Variants in LRP2BP observed in about 807,000 individuals in gnomAD.
LRP2BP encodes LRP2 binding protein, also known as LRP2-binding protein.
Under a neutral mutation model 45.2 loss-of-function variants are expected in LRP2BP, and 38 were observed. The observed-to-expected ratio is 0.84, with a 90% confidence interval of 0.65 to 1.10. The LOEUF (loss-of-function observed/expected upper bound fraction) is 1.10. Among genes scored for constraint, LRP2BP ranks in the 50% least tolerant of loss-of-function variants. The pLI is 0.00. For synonymous variants in LRP2BP, 153 were observed against 153.9 expected, an observed-to-expected ratio of 0.99 and a Z score of 0.04; for missense variants, 385 against 418.9, an observed-to-expected ratio of 0.92 and a Z score of 0.71.
chr4:185,390,709 G>A (rs2095486105), intron 1 of LRP2BP: 1 of 152,120 alleles, frequency 6.6e-6, no homozygotes, highest in Admixed American at 6.5e-5. Context: ...CGTCTTACGA[G>A]GAAATGAAGC....
intron 8 of LRP2BP, among the ~76,000 whole-genome samples, chr4:185,368,020 A>T (rs569525617): frequency 1.6e-4 from 25 of 152,224 alleles, no homozygotes; most frequent in Admixed American, 6.5e-4. Context: ...TCTACTAAAA[A>T]TACAAAAATT....
At chr4:185,396,006 C>A, upstream of LRP2BP, 1 of 703,332 alleles carries the variant, frequency 1.4e-6, no homozygotes, top group Non-Finnish European at 1.7e-6. Flanking sequence ...CCCGACAGCA[C>A]CCGCGGGGCC....
chr4:185,386,357 T>TGC (rs1225642102), intron 1 of LRP2BP, among the ~76,000 whole-genome samples: 2 of 152,192 alleles, frequency 1.3e-5, no homozygotes, highest in Non-Finnish European at 2.9e-5. Flanking sequence ...GGGCAAGGAA[T>TGC]GCTCATTTGT....
intron 8 of LRP2BP, among the ~76,000 whole-genome samples, chr4:185,369,102 T>A (rs2095404932): frequency 6.6e-6 from 1 of 150,822 alleles, no homozygotes; most frequent in African/African-American, 2.4e-5. Flanking sequence ...ACTTTTTTTG[T>A]TGTTCTAGTC....
At chr4:185,394,746 G>GC in intron 1 of LRP2BP, 33 bp downstream of exon 1, 1 of 985,152 alleles carries the variant, frequency 1.0e-6, no homozygotes, top group Non-Finnish European at 1.2e-6. Context: ...TCAAGATTCA[G>GC]CCCACACATC....
At chr4:185,375,516 G>A (rs11731594) in intron 4 of LRP2BP, 97 bp downstream of exon 4, 1,416 of 44,888 alleles carry the variant, frequency 0.032, 20 homozygotes, top group Admixed American at 0.041. Context: ...ATATATATAT[G>A]TATATATATA....
At chr4:185,378,956 T>TC in intron 1 of LRP2BP, 1 of 985,360 alleles carries the variant, frequency 1.0e-6, no homozygotes, top group Non-Finnish European at 1.2e-6. Flanking sequence ...GAGAGACCCT[T>TC]AGTGTGATTG....
chr4:185,385,506 C>G (rs1233779713), intron 1 of LRP2BP, among the ~76,000 whole-genome samples: 1 of 152,150 alleles, frequency 6.6e-6, no homozygotes, highest in African/African-American at 2.4e-5. Context: ...CCACACTGAA[C>G]AGAAAAACCA....
rs1273627478 is a variant in LRP2BP, at chr4:185,367,157, T to C, written c.*23A>G. ...CATTGTGAGGTGTTAGCATTGATGA[T>C]CTTTGTTGAAATACATTGTGGTCTA... On this transcript the variant is annotated 3_prime_UTR_variant, in exon 9 of 9. Coordinates refer to ENST00000505916, the MANE Select transcript of LRP2BP (RefSeq NM_001377440.1). 1.9e-6 allele frequency: 3 copies of C among 1,596,638 alleles called. No homozygotes were observed. The highest frequency in any genetic ancestry group is 2.6e-6 in the Non-Finnish European group (3 of 1,166,620).
chr4:185,396,881 C>G (rs2095504832), upstream of LRP2BP: 1 of 1,610,056 alleles, frequency 6.2e-7, no homozygotes, highest in Non-Finnish European at 8.5e-7. Flanking sequence ...TGTCTCACCT[C>G]TCTGCACTTC....
At chr4:185,385,726 C>G (rs572586222) in intron 1 of LRP2BP, among the ~76,000 whole-genome samples, 13 of 148,228 alleles carry the variant, frequency 8.8e-5, no homozygotes, top group African/African-American at 2.7e-4. Flanking sequence ...AAAGGTGAAA[C>G]TCCGTCTCTA....
chr4:185,367,344 A>G, intron 8 of LRP2BP, 99 bp from the exon 9 acceptor site: 1 of 1,064,868 alleles, frequency 9.4e-7, no homozygotes, highest in Non-Finnish European at 1.4e-6. Context: ...TAAGAATAGT[A>G]AAGTACAGTG....
In LRP2BP at chr4:185,376,944, C is replaced by A. The variant is rs2095440067; in HGVS notation, c.181G>T (p.Ala61Ser). The A allele has an allele frequency of 1.9e-6, 3 of 1,613,670 alleles. 1 individual carries two copies. In the South Asian group the frequency reaches 3.3e-5, roughly 18 times the overall value. Reference sequence around the variant, plus strand: ...TATAGTTGACCTCGTAGGAAATATGCCAGAGTGTCTCCTTTCAGTATTCTT... The same window carrying A: ...TATAGTTGACCTCGTAGGAAATATGACAGAGTGTCTCCTTTCAGTATTCTT... ...KERILKGDTLAYFLRGQLYFE... is the reference protein window; with the variant it reads ...KERILKGDTLSYFLRGQLYFE... Residue 61 changes from alanine to serine, a missense_variant, in exon 3 of 9, where the codon GCA becomes TCA. By Grantham distance (99) the Ala-to-Ser change is moderately conservative. Coordinates refer to ENST00000505916, the MANE Select transcript of LRP2BP (RefSeq NM_001377440.1).
chr4:185,379,095 G>T, intron 1 of LRP2BP: 1 of 508,608 alleles, frequency 2.0e-6, no homozygotes, highest in African/African-American at 2.1e-5. Context: ...TGTGATTTTG[G>T]AAGAGTCATT....
intron 4 of LRP2BP, among the ~76,000 whole-genome samples, 171 bp from the exon 5 acceptor site, chr4:185,374,632 G>C (rs1047748903): frequency 6.6e-6 from 1 of 152,178 alleles, no homozygotes; most frequent in Non-Finnish European, 1.5e-5. Flanking sequence ...GCGATAAGGA[G>C]GAAAAGAATC....
chr4:185,386,410 A>AG (rs2126834216), intron 1 of LRP2BP, among the ~76,000 whole-genome samples: 2 of 152,360 alleles, frequency 1.3e-5, no homozygotes, highest in Non-Finnish European at 2.9e-5. Flanking sequence ...ACCTCAGATA[A>AG]GTGTCTATGA....
In LRP2BP at chr4:185,364,501, A is replaced by G. The variant is rs1302230304; in HGVS notation, c.*2679T>C. On this transcript the variant is annotated 3_prime_UTR_variant, in exon 9 of 9. Transcript: ENST00000505916. ...TAAAAATTCCATTTGAATCCCTGAA[A>G]GATACTCCCCTCATGCCCTAGGATG... is the stretch of plus-strand genomic sequence containing the variant. 6.6e-6 allele frequency: 1 copy of G among 152,238 alleles called. No homozygotes were observed. Among genetic ancestry groups the G allele is most frequent in the Non-Finnish European group, 1.5e-5 (1 of 68,052 alleles). 9.4% of individuals were successfully genotyped at this position (152,238 alleles called of 1,614,324 possible).
intron 1 of LRP2BP, among the ~76,000 whole-genome samples, chr4:185,392,647 TTA>T (rs1370421644): frequency 6.6e-6 from 1 of 151,974 alleles, no homozygotes; most frequent in African/African-American, 2.4e-5. Context: ...CCAGATCTGG[TTA>T]TAACCTTCTG....
intron 7 of LRP2BP, among the ~76,000 whole-genome samples, chr4:185,372,009 T>A (rs2095417802): frequency 6.6e-6 from 1 of 152,176 alleles, no homozygotes; most frequent in Non-Finnish European, 1.5e-5. Flanking sequence ...ACACTGTGGG[T>A]AAATACGTGT....
Sources: allele counts gnomAD v4.1 joint callset (sites outside exome capture counted in the v4.1 genomes callset), GRCh38; gene constraint gnomAD v4.1.1; transcripts MANE v1.5; gene names NCBI Gene and HGNC (gene_info 2026-07-23, HGNC 2026-07-21).